The following CD109 variants were observed in gnomAD, a reference collection of about 807,000 sequenced individuals.
The protein encoded by CD109 is CD109 antigen.
Under a neutral mutation model 165.8 loss-of-function variants are expected in CD109, and 149 were observed. That is an observed-to-expected ratio of 0.90 (90% CI 0.79 to 1.03). The LOEUF is 1.03. Among genes scored for constraint, CD109 ranks in the 50% least tolerant of loss-of-function variants. The pLI is 0.00. For synonymous variants in CD109, 585 were observed against 592.1 expected, an observed-to-expected ratio of 0.99 and a Z score of 0.18; for missense variants, 1,712 against 1,677.8, an observed-to-expected ratio of 1.02 and a Z score of -0.36.
intron 22 of CD109, among the ~76,000 whole-genome samples, chr6:73,791,144 T>C (rs7749713): frequency 0.093 from 2,160 of 23,226 alleles, 22 homozygotes; most frequent in African/African-American, 0.15. Flanking sequence ...TACATATATA[T>C]ATATATATAT....
intron 23 of CD109, among the ~76,000 whole-genome samples, chr6:73,799,627 T>C (rs1775292675): frequency 6.6e-6 from 1 of 152,078 alleles, no homozygotes; most frequent in African/African-American, 2.4e-5. Flanking sequence ...GCCACACACT[T>C]TTAAATGACC....
At chr6:73,809,160 A>G (rs1318818151) in intron 26 of CD109, among the ~76,000 whole-genome samples, 1 of 152,126 alleles carries the variant, frequency 6.6e-6, no homozygotes, top group Non-Finnish European at 1.5e-5. Flanking sequence ...GAGGGCACCA[A>G]GTAGGATGGT....
rs551899269 is a variant in CD109 at position 73,772,908 on chromosome 6, CT to C, written c.1827+1340del. ...TTCAATCTTTTCTTTTTTTTGAAAACTTTTTTTTTTTTTACAACCAGTTGGT... is the reference window on the plus strand; with the variant it reads ...TTCAATCTTTTCTTTTTTTTGAAAACTTTTTTTTTTTTACAACCAGTTGGT... On this transcript the variant is annotated intron_variant, in intron 15 of 32. Transcript: ENST00000287097. 3.9e-3 allele frequency among the ~76,000 whole-genome samples: 555 copies of C among 141,198 alleles called. 1 individual carries two copies. Among genetic ancestry groups the C allele is most frequent in the South Asian group, 0.024 (108 of 4,484 alleles). 92.6% of individuals were successfully genotyped at this position (141,198 alleles called of 152,430 possible).
intron 32 of CD109, among the ~76,000 whole-genome samples, chr6:73,822,600 C>T (rs1776140131): frequency 1.3e-5 from 2 of 152,198 alleles, no homozygotes; most frequent in South Asian, 4.1e-4. Context: ...TATTACTTTA[C>T]TTAGTTGCAA....
At chr6:73,789,749 C>T (rs1194321462) in intron 22 of CD109, among the ~76,000 whole-genome samples, 19 of 147,326 alleles carry the variant, frequency 1.3e-4, no homozygotes, top group Non-Finnish European at 2.4e-4. Flanking sequence ...CGTGAGCCAC[C>T]GCGCCCGGCC....
At chr6:73,751,326 T>C (rs987945507) in intron 5 of CD109, among the ~76,000 whole-genome samples, 3 of 152,180 alleles carry the variant, frequency 2.0e-5, no homozygotes, top group African/African-American at 7.2e-5. Flanking sequence ...TGGGGAGGTC[T>C]TTCATCCAAA....
At chr6:73,752,490 C>A (rs771920555) in intron 5 of CD109, among the ~76,000 whole-genome samples, 1 of 152,192 alleles carries the variant, frequency 6.6e-6, no homozygotes, top group African/African-American at 2.4e-5. Flanking sequence ...ATTATTGACT[C>A]AGGGACAAGA....
chr6:73,720,595 A>G lies in CD109; in HGVS notation c.248-2656A>G, dbSNP rs568641339. ...TAAGTTATACCTCATTCCATAAGGTATACATCTATCATCTATATGTCGCAT... is the reference window on the plus strand; with the variant it reads ...TAAGTTATACCTCATTCCATAAGGTGTACATCTATCATCTATATGTCGCAT... On this transcript the variant is annotated intron_variant, in intron 2 of 32. Transcript: ENST00000287097. Among the ~76,000 whole-genome samples the G allele has an allele frequency of 1.3e-3, 202 of 152,364 alleles. 2 individuals carry two copies. The highest frequency in any genetic ancestry group is 2.5e-3 in the Non-Finnish European group (167 of 68,038).
intron 15 of CD109, among the ~76,000 whole-genome samples, chr6:73,772,640 A>G (rs776545701): frequency 3.9e-5 from 6 of 152,122 alleles, no homozygotes; most frequent in Non-Finnish European, 7.4e-5. Context: ...AGCATTGCAT[A>G]AATGAATCCC....
intron 10 of CD109, among the ~76,000 whole-genome samples, chr6:73,764,983 G>A (rs558994857): frequency 1.2e-4 from 18 of 152,300 alleles, no homozygotes; most frequent in Admixed American, 9.2e-4. Flanking sequence ...ATTTCTGAAT[G>A]AGTAGAGTGA....
At chr6:73,775,220 T>G (rs1464582644) in intron 15 of CD109, among the ~76,000 whole-genome samples, 1 of 152,054 alleles carries the variant, frequency 6.6e-6, no homozygotes, top group East Asian at 1.9e-4. Flanking sequence ...TATATGAGGT[T>G]ATTGTGTATA....
In CD109 at chr6:73,730,735, T is replaced by G. The variant is rs1042136260; in HGVS notation, c.507+161T>G. On this transcript the variant is annotated intron_variant, in intron 4 of 32. Transcript: ENST00000287097. Reference sequence around the variant, plus strand: ...CTCTAATAGGAAAGAAGGTGGTGCATGCACTGGGTTAAGAGCTCAGCCTCT... The same window carrying G: ...CTCTAATAGGAAAGAAGGTGGTGCAGGCACTGGGTTAAGAGCTCAGCCTCT... 2.6e-5 allele frequency among the ~76,000 whole-genome samples: 4 copies of G among 152,172 alleles called. No homozygotes were observed. In the East Asian group the frequency reaches 7.7e-4, roughly 29 times the overall value.
intron 22 of CD109, among the ~76,000 whole-genome samples, chr6:73,791,170 TATATATAC>T (rs1348486178): frequency 0.063 from 2,431 of 38,794 alleles, 34 homozygotes; most frequent in Non-Finnish European, 0.079. Flanking sequence ...TATATATATA[TATATATAC>T]ACACACACAC....
At position 73,787,239 on chromosome 6, in the gene CD109, G is replaced by A. The variant is rs192397894; in HGVS notation, c.2343G>A (p.Lys781=). The change falls in exon 21 of 33, where the codon AAG becomes AAA. Residue 781 remains lysine (K), a synonymous_variant. Coordinates refer to ENST00000287097, the MANE Select transcript of CD109 (RefSeq NM_133493.5). ...FNYLKDATEV[K]VIIEKSDKFD... ...GATTTATTTTTTTCTTTCAGGTTAA[G>A]GTAATCATTGAGAAAAGTGACAAAT... 2 of 1,601,812 alleles carry A rather than the reference G, an allele frequency of 1.2e-6. No homozygotes were observed. The highest frequency in any genetic ancestry group is 2.7e-5 in the African/African-American group (2 of 74,672).
intron 10 of CD109, among the ~76,000 whole-genome samples, chr6:73,765,347 G>A (rs530301279): frequency 1.3e-5 from 2 of 152,002 alleles, no homozygotes; most frequent in Middle Eastern, 3.2e-3. Context: ...ATTGGATTTG[G>A]GGGGTGGGGA....
Position 73,823,640 on chromosome 6 carries a change from T to C in CD109, c.*7T>C, listed in dbSNP as rs565322627. On this transcript the variant is annotated 3_prime_UTR_variant, in exon 33 of 33. Transcript: ENST00000287097. Reference sequence around the variant, plus strand: ...TATGGAACTTTGGCTGTGATTTATTTTTAAAGGACTCTGTGTAACACTAAC... The same window carrying C: ...TATGGAACTTTGGCTGTGATTTATTCTTAAAGGACTCTGTGTAACACTAAC... The C allele has an allele frequency of 6.9e-6, 11 of 1,602,358 alleles. No homozygotes were observed. Among genetic ancestry groups the C allele is most frequent in the South Asian group, 2.2e-5 (2 of 90,556 alleles).
intron 2 of CD109, among the ~76,000 whole-genome samples, chr6:73,721,656 C>T (rs745836015): frequency 3.9e-5 from 6 of 151,934 alleles, no homozygotes; most frequent in Non-Finnish European, 7.4e-5. Context: ...GAGCCACCCA[C>T]GCCCGGCCAG....
intron 14 of CD109, 41 bp downstream of exon 14, chr6:73,768,272 T>G: frequency 1.7e-6 from 2 of 1,206,962 alleles, no homozygotes; most frequent in Non-Finnish European, 2.4e-6. Context: ...AAACTTTATA[T>G]TAGTGAAGTC....
chr6:73,717,811 G>T (rs1055491974), intron 2 of CD109, among the ~76,000 whole-genome samples: 5 of 151,240 alleles, frequency 3.3e-5, no homozygotes, highest in African/African-American at 1.2e-4. Context: ...AGTAGAGACG[G>T]GGTTTCACCG....
Sources: allele counts gnomAD v4.1 joint callset (sites outside exome capture counted in the v4.1 genomes callset), GRCh38; gene constraint gnomAD v4.1.1; transcripts MANE v1.5; gene names NCBI Gene and HGNC (gene_info 2026-07-23, HGNC 2026-07-21).